Variants in HPSE2 observed in about 807,000 individuals in gnomAD.
HPSE2 encodes the protein inactive heparanase-2.
A neutral mutation model predicts 60.5 loss-of-function variants in HPSE2; 38 were observed. The ratio of observed to expected loss-of-function variants is 0.63; its 90% confidence interval spans 0.48 to 0.82. The LOEUF is 0.82. HPSE2 is among the 40% of genes least tolerant of loss of function. The probability of loss-of-function intolerance (pLI) is 0.00; values close to 1 mark genes in which losing one functional copy is unlikely to be tolerated. For synonymous variants in HPSE2, 295 were observed against 293.2 expected, an observed-to-expected ratio of 1.01 and a Z score of -0.06; for missense variants, 713 against 740.4, an observed-to-expected ratio of 0.96 and a Z score of 0.43.
intron 3 of HPSE2, among the ~76,000 whole-genome samples, chr10:98,871,790 G>C (rs1282792578): frequency 3.9e-5 from 6 of 151,962 alleles, no homozygotes; most frequent in African/African-American, 7.2e-5. Flanking sequence ...CCTATCTTTG[G>C]TAGAGCTGAC....
intron 3 of HPSE2, among the ~76,000 whole-genome samples, chr10:98,755,200 C>CA (rs1949850955): frequency 6.6e-6 from 1 of 151,624 alleles, no homozygotes. Flanking sequence ...AAACAGAAAA[C>CA]AAAAAAGAGT....
intron 3 of HPSE2, among the ~76,000 whole-genome samples, chr10:99,109,583 C>T (rs757276873): frequency 2.6e-5 from 4 of 152,086 alleles, no homozygotes; most frequent in Non-Finnish European, 5.9e-5. Context: ...TGTCTCTTTA[C>T]TGCCTCTTCA....
chr10:99,178,686 A>G (rs1847633617), intron 2 of HPSE2, among the ~76,000 whole-genome samples: 1 of 152,174 alleles, frequency 6.6e-6, no homozygotes, highest in Non-Finnish European at 1.5e-5. Context: ...AATTCTACAG[A>G]GGTACAAAGA....
At chr10:98,657,175 A>G (rs1241694630) in intron 6 of HPSE2, among the ~76,000 whole-genome samples, 1 of 151,142 alleles carries the variant, frequency 6.6e-6, no homozygotes, top group Admixed American at 6.6e-5. Flanking sequence ...GCTATTGGAC[A>G]GCAAAGTAAC....
intron 3 of HPSE2, among the ~76,000 whole-genome samples, chr10:98,937,625 T>C (rs1296136546): frequency 7.0e-6 from 1 of 143,340 alleles, no homozygotes; most frequent in Non-Finnish European, 1.5e-5. Flanking sequence ...CAAGGAGGCC[T>C]GCCTGCCTCT....
At chr10:98,864,403 C>A (rs377204863) in intron 3 of HPSE2, among the ~76,000 whole-genome samples, 1 of 152,106 alleles carries the variant, frequency 6.6e-6, no homozygotes, top group African/African-American at 2.4e-5. Context: ...AGTTTTCTCA[C>A]ACACACACTC....
chr10:98,888,133 CAA>C (rs1491350313), intron 3 of HPSE2, among the ~76,000 whole-genome samples: 19 of 94,386 alleles, frequency 2.0e-4, no homozygotes, highest in South Asian at 4.5e-4. Context: ...GGTTTTAAAA[CAA>C]ACACACACAC....
intron 3 of HPSE2, 60 bp from the exon 4 acceptor site, chr10:98,744,116 T>C: frequency 6.7e-6 from 10 of 1,482,372 alleles, no homozygotes; most frequent in Middle Eastern, 1.9e-4. Flanking sequence ...AAAAGGAAAA[T>C]AGTAGCTAAT....
intron 6 of HPSE2, among the ~76,000 whole-genome samples, chr10:98,673,170 C>T (rs1483735991): frequency 3.3e-5 from 5 of 152,120 alleles, no homozygotes; most frequent in African/African-American, 1.2e-4. Context: ...ATCAAACAGA[C>T]GTGTTCACTC....
chr10:99,004,835 T>C (rs1013809964), intron 3 of HPSE2, among the ~76,000 whole-genome samples: 1 of 152,178 alleles, frequency 6.6e-6, no homozygotes, highest in Non-Finnish European at 1.5e-5. Context: ...GGTCTGGTGG[T>C]GATGAACTCC....
chr10:98,861,639 A>G (rs1952460506), intron 3 of HPSE2, among the ~76,000 whole-genome samples: 1 of 152,236 alleles, frequency 6.6e-6, no homozygotes. Context: ...GCAGCATTCA[A>G]TACTTGCCTT....
chr10:98,793,710 G>A (rs1303662183), intron 3 of HPSE2, among the ~76,000 whole-genome samples: 2 of 152,246 alleles, frequency 1.3e-5, no homozygotes, highest in Non-Finnish European at 2.9e-5. Flanking sequence ...ATAAAAAACT[G>A]CTGCTGTGAG....
At chr10:98,780,114 A>G (rs1175566430) in intron 3 of HPSE2, among the ~76,000 whole-genome samples, 1 of 152,122 alleles carries the variant, frequency 6.6e-6, no homozygotes, top group Non-Finnish European at 1.5e-5. Flanking sequence ...AAGAAATGGT[A>G]TATGTAGGAA....
At chr10:99,152,538 G>A (rs1418245940) in intron 2 of HPSE2, among the ~76,000 whole-genome samples, 3 of 152,012 alleles carry the variant, frequency 2.0e-5, no homozygotes, top group Non-Finnish European at 4.4e-5. Flanking sequence ...AAGAAAATAT[G>A]TTTTAGTTAT....
At chr10:99,123,289 T>G (rs1477397365) in intron 3 of HPSE2, among the ~76,000 whole-genome samples, 1 of 152,084 alleles carries the variant, frequency 6.6e-6, no homozygotes, top group African/African-American at 2.4e-5. Context: ...TAAAAAGGCA[T>G]AGAATATGAA....
At chr10:99,309,399 G>A in the HPSE2 span, among the ~76,000 whole-genome samples, 6 of 152,126 alleles carry the variant, frequency 3.9e-5, no homozygotes, top group African/African-American at 1.4e-4. Context: ...TCACAAAAGA[G>A]TACAACTAAA....
intron 2 of HPSE2, among the ~76,000 whole-genome samples, chr10:99,215,588 G>A (rs893561405): frequency 1.3e-5 from 2 of 152,134 alleles, no homozygotes; most frequent in African/African-American, 4.8e-5. Flanking sequence ...TAACAAATCT[G>A]TACTTTCTGC....
rs1289873670 is a variant in HPSE2 at position 98,940,851 on chromosome 10, C to T, written c.611-196795G>A. 7.9e-5 allele frequency among the ~76,000 whole-genome samples: 11 copies of T among 139,032 alleles called. 3 individuals carry two copies. The highest frequency in any genetic ancestry group is 3.4e-4 in the African/African-American group (11 of 32,660). The allele number at this position is 139,032 out of a possible 152,430, so 91.2% of individuals were successfully genotyped here. ...AATCCTCAATAAAATACTGGCAAAA[C>T]AAATCCAGCAGCACATCAAAAAGCT... On this transcript the variant is annotated intron_variant, in intron 3 of 11. Coordinates refer to ENST00000370552, the MANE Select transcript of HPSE2 (RefSeq NM_021828.5).
chr10:98,593,230 T>C (rs370079351), intron 9 of HPSE2, among the ~76,000 whole-genome samples: 7 of 152,152 alleles, frequency 4.6e-5, no homozygotes, highest in East Asian at 3.9e-4. Flanking sequence ...GAAATTCCTA[T>C]TGGAGACATC....
Sources: allele counts gnomAD v4.1 joint callset (sites outside exome capture counted in the v4.1 genomes callset), GRCh38; gene constraint gnomAD v4.1.1; transcripts MANE v1.5; gene names NCBI Gene and HGNC (gene_info 2026-07-23, HGNC 2026-07-21).